Variants in CFAP46 observed in about 807,000 individuals in gnomAD.
CFAP46 encodes the protein cilia- and flagella-associated protein 46.
CFAP46 carries 245 observed loss-of-function variants against 325.7 expected under a neutral mutation model. That is an observed-to-expected ratio of 0.75 (90% CI 0.68 to 0.84). CFAP46 has a LOEUF of 0.84. Ranked by LOEUF, CFAP46 falls within the 40% of genes least tolerant of loss-of-function variation. The pLI, the probability that CFAP46 is intolerant of heterozygous loss-of-function variation, is 0.00. For missense variants in CFAP46, 3,346 were observed against 3,543.0 expected (o/e 0.94, Z 1.41); for synonymous variants, 1,523 against 1,495.9 (o/e 1.02, Z -0.42).
chr10:132,812,677 C>T (rs1268449498), intron 55 of CFAP46, 108 bp downstream of exon 55: 10 of 764,326 alleles, frequency 1.3e-5, no homozygotes, highest in Non-Finnish European at 2.2e-5. Context: ...GGGGCTGCGG[C>T]CACAGGGGGT....
chr10:132,870,672 G>A (rs1037761869), intron 32 of CFAP46, among the ~76,000 whole-genome samples: 3 of 152,192 alleles, frequency 2.0e-5, no homozygotes, highest in Admixed American at 6.5e-5. Context: ...TCCCATGAAC[G>A]CTGGGAGACG....
intron 22 of CFAP46, among the ~76,000 whole-genome samples, chr10:132,906,792 G>A (rs1160642135): frequency 3.8e-5 from 5 of 133,122 alleles, no homozygotes; most frequent in South Asian, 2.4e-4. Context: ...GGGTCCTGGC[G>A]CGTGATGCCC....
intron 50 of CFAP46, among the ~76,000 whole-genome samples, chr10:132,824,179 CTGA>C (rs1468471674): frequency 3.7e-5 from 4 of 108,188 alleles, no homozygotes; most frequent in South Asian, 3.3e-4. Flanking sequence ...TGTGTGAGCG[CTGA>C]TGTGTGCTGT....
chr10:132,932,978 G>A (rs1199046630), intron 8 of CFAP46, among the ~76,000 whole-genome samples: 1 of 152,256 alleles, frequency 6.6e-6, no homozygotes, highest in Non-Finnish European at 1.5e-5. Context: ...CGCCCACAGT[G>A]TCTCCAGACA....
At chr10:132,888,222 G>A (rs966469921) in intron 25 of CFAP46, among the ~76,000 whole-genome samples, 11 of 151,728 alleles carry the variant, frequency 7.2e-5, no homozygotes, top group Non-Finnish European at 1.3e-4. Flanking sequence ...CCGTCTAATG[G>A]TAGCGGGTCT....
rs1849159493 is a variant in CFAP46, at chr10:132,887,350, CT to C, written c.3305-1392del. On this transcript the variant is annotated intron_variant, in intron 25 of 57. Coordinates refer to ENST00000368586, the MANE Select transcript of CFAP46 (RefSeq NM_001200049.3). ...CTCTCGCTTCTCTCTCTCCTCTCCTCTCCTCCCCTCTTCTTTCCTCTCCCCT... is the reference window on the plus strand; with the variant it reads ...CTCTCGCTTCTCTCTCTCCTCTCCTCCCTCCCCTCTTCTTTCCTCTCCCCT... 9.2e-5 allele frequency among the ~76,000 whole-genome samples: 7 copies of C among 76,110 alleles called. 1 individual carries two copies. Among genetic ancestry groups the C allele is most frequent in the South Asian group, 5.5e-4 (1 of 1,820 alleles). 49.9% of individuals were successfully genotyped at this position (76,110 alleles called of 152,430 possible). A position where few individuals can be genotyped will look rare whatever the true frequency, so the allele number is the denominator to read the frequency against.
chr10:132,912,920 C>A, intron 18 of CFAP46, 100 bp from the exon 19 acceptor site: 1 of 1,484,898 alleles, frequency 6.7e-7, no homozygotes, highest in Non-Finnish European at 9.1e-7. Flanking sequence ...CTGAGATGCA[C>A]GGGTGCCCAC....
At chr10:132,905,632 C>CGT (rs896858845) in intron 22 of CFAP46, among the ~76,000 whole-genome samples, 6 of 152,178 alleles carry the variant, frequency 3.9e-5, no homozygotes, top group Non-Finnish European at 8.8e-5. Flanking sequence ...ATTACCTCCA[C>CGT]GTGGAACGTT....
intron 24 of CFAP46, among the ~76,000 whole-genome samples, chr10:132,897,852 G>C (rs867628742): frequency 1.2e-4 from 18 of 152,190 alleles, no homozygotes; most frequent in South Asian, 2.1e-4. Context: ...AGAGGCTGGG[G>C]TGGGCTGGAC....
intron 50 of CFAP46, among the ~76,000 whole-genome samples, chr10:132,820,014 T>C (rs1380292301): frequency 1.3e-5 from 2 of 152,184 alleles, no homozygotes; most frequent in Non-Finnish European, 2.9e-5. Context: ...AGCCTAAGTA[T>C]ATAAGGAACT....
At chr10:132,912,387 CCTCT>C (rs1176295873) in intron 19 of CFAP46, among the ~76,000 whole-genome samples, 5 of 142,178 alleles carry the variant, frequency 3.5e-5, no homozygotes, top group African/African-American at 1.3e-4. Context: ...GCTTCTCTCG[CCTCT>C]CTCTCCTCTC....
intron 16 of CFAP46, 77 bp downstream of exon 16, chr10:132,918,316 G>A (rs1313971106): frequency 1.2e-6 from 1 of 852,518 alleles, no homozygotes. Context: ...CCCTCTCCAC[G>A]ACGCACCTCA....
Position 132,919,282 on chromosome 10 carries a change from G to C in CFAP46, c.1858+33C>G. ...CACACCCAGAGGGCGGCCGTGGCCAGGCTGGGACACACTCGTGAGGGCGGG... is the reference window on the plus strand; with the variant it reads ...CACACCCAGAGGGCGGCCGTGGCCACGCTGGGACACACTCGTGAGGGCGGG... On this transcript the variant is annotated intron_variant, in intron 15 of 57. Coordinates refer to ENST00000368586, the MANE Select transcript of CFAP46 (RefSeq NM_001200049.3). The surrounding 1 kb of genome is among the most constrained non-coding windows in gnomAD (Gnocchi z 9.7). 6.5e-7 allele frequency: 1 copy of C among 1,538,408 alleles called. No individual in the cohort carries two copies. The highest frequency in any genetic ancestry group is 8.8e-7 in the Non-Finnish European group (1 of 1,139,406).
chr10:132,922,298 C>A, intron 12 of CFAP46, 74 bp from the exon 13 acceptor site: 2 of 1,506,822 alleles, frequency 1.3e-6, no homozygotes, highest in Non-Finnish European at 1.8e-6. Context: ...TCTGGAGCCT[C>A]CTGGCCTTTG....
chr10:132,835,333 T>G lies in CFAP46; in HGVS notation c.6715A>C (p.Ser2239Arg). 1 of 1,613,552 alleles carries G rather than the reference T, an allele frequency of 6.2e-7. No individual in the cohort carries two copies. Among genetic ancestry groups the G allele is most frequent in the African/African-American group, 1.3e-5 (1 of 75,068 alleles). The change falls in exon 47 of 58, where the codon AGT (serine) becomes CGT (arginine). Residue 2239 changes from serine to arginine, a missense_variant. Ser to Arg is a moderately radical substitution (Grantham distance 110, BLOSUM62 -1). Coordinates refer to ENST00000368586, the MANE Select transcript of CFAP46 (RefSeq NM_001200049.3). ...FRKQTQAQVYSEDMALNIGSE... is the reference protein window; with the variant it reads ...FRKQTQAQVYREDMALNIGSE... ...CCTATGTTCAGGGCCATGTCCTCACTGTACACCTGGGCCTGGGTCTGCTTC... is the reference window on the plus strand; with the variant it reads ...CCTATGTTCAGGGCCATGTCCTCACGGTACACCTGGGCCTGGGTCTGCTTC...
rs778866175 is a variant in CFAP46 at position 132,846,125 on chromosome 10, G to A, written c.6370C>T (p.Arg2124Trp). Residue 2124 changes from arginine to tryptophan, a missense_variant, in exon 44 of 58, where the codon CGG becomes TGG. Arg to Trp is a moderately radical substitution (Grantham distance 101, BLOSUM62 -3). Coordinates refer to ENST00000368586, the MANE Select transcript of CFAP46 (RefSeq NM_001200049.3). ...AALLQLQHQL[R>W]CQDRTTTSLG... is the part of the protein sequence containing the mutation. ...CTGGTGGTGGTCCTGTCTTGGCACC[G>A]GAGCTGGTGCTGTAGCTGCAGCAGG... 1.7e-5 allele frequency: 27 copies of A among 1,609,826 alleles called. No homozygotes were observed. Among genetic ancestry groups the A allele is most frequent in the Admixed American group, 8.3e-5 (5 of 59,900 alleles).
chr10:132,885,252 T>C lies in CFAP46; in HGVS notation c.3478A>G (p.Lys1160Glu), dbSNP rs1358559333. ...TCCATCGAAAAATTCTGCCCGAGCTTGGCCTTCACGATGACCATGTGCTTG... is the reference window on the plus strand; with the variant it reads ...TCCATCGAAAAATTCTGCCCGAGCTCGGCCTTCACGATGACCATGTGCTTG... The part of the protein sequence containing the change: ...IFKHMVIVKA[K>E]LGQNFSMEIQ... Residue 1160 changes from lysine to glutamate, a missense_variant, in exon 27 of 58, where the codon AAG becomes GAG. Transcript: ENST00000368586. The C allele has an allele frequency of 5.2e-6, 8 of 1,549,994 alleles. No individual in the cohort carries two copies. The highest frequency in any genetic ancestry group is 7.0e-6 in the Non-Finnish European group (8 of 1,146,608).
chr10:132,858,390 GTGGCCC>G (rs1848677244), intron 38 of CFAP46, among the ~76,000 whole-genome samples: 1 of 148,290 alleles, frequency 6.7e-6, no homozygotes. Flanking sequence ...TTTGCTGGGG[GTGGCCC>G]CAGGTTGGAG....
At chr10:132,931,781 A>T (rs1242561384) in intron 8 of CFAP46, among the ~76,000 whole-genome samples, 1 of 136,910 alleles carries the variant, frequency 7.3e-6, no homozygotes, top group Non-Finnish European at 1.5e-5. Context: ...CTTGCCACAC[A>T]GAGCCTGGAC....
Sources: gnomAD v4.1 joint callset for allele counts (sites outside exome capture counted in the v4.1 genomes callset) on GRCh38, gnomAD v4.1.1 for gene constraint, Gnocchi (gnomAD v3.1) non-coding constraint, MANE v1.5 for transcripts, NCBI Gene and HGNC (gene_info 2026-07-23, HGNC 2026-07-21) for gene names.